The following GNA12 variants were observed in gnomAD, a reference collection of about 807,000 sequenced individuals.
The protein encoded by GNA12 is G protein subunit alpha 12, also known as guanine nucleotide-binding protein subunit alpha-12.
A neutral mutation model predicts 26.0 loss-of-function variants in GNA12; 9 were observed. That is an observed-to-expected ratio of 0.35 (90% CI 0.21 to 0.60). GNA12 has a LOEUF of 0.60. GNA12 is among the 20% of genes least tolerant of loss of function. The probability of loss-of-function intolerance (pLI) is 0.78; values close to 1 mark genes in which losing one functional copy is unlikely to be tolerated. For synonymous variants in GNA12, 264 were observed against 219.6 expected, an observed-to-expected ratio of 1.20 and a Z score of -1.79; for missense variants, 405 against 525.8, an observed-to-expected ratio of 0.77 and a Z score of 2.25.
chr7:2,801,001 CG>C (rs1015607799), intron 1 of GNA12, among the ~76,000 whole-genome samples: 6 of 152,170 alleles, frequency 3.9e-5, no homozygotes, highest in Admixed American at 3.9e-4. Context: ...TATCTCGGCA[CG>C]GAGAAGGTAG....
intron 1 of GNA12, among the ~76,000 whole-genome samples, chr7:2,824,450 G>T (rs1331835338): frequency 6.6e-6 from 1 of 152,076 alleles, no homozygotes; most frequent in African/African-American, 2.4e-5. Flanking sequence ...CTCTGCAGGC[G>T]GCTCCCTGCC....
At chr7:2,789,767 C>T (rs753182947) in intron 2 of GNA12, among the ~76,000 whole-genome samples, 1 of 152,172 alleles carries the variant, frequency 6.6e-6, no homozygotes. Flanking sequence ...CCCCTCCTTG[C>T]TCCTGGTGGT....
At position 2,780,048 on chromosome 7, in the gene GNA12, G is replaced by GTGTGTATATATATA. The variant is rs748113158; in HGVS notation, c.525+14879_525+14880insTATATATATACACA. 5.4e-4 allele frequency among the ~76,000 whole-genome samples: 46 copies of GTGTGTATATATATA among 84,722 alleles called. 1 individual carries two copies. The highest frequency in any genetic ancestry group is 6.0e-4 in the Non-Finnish European group (27 of 44,656). 55.6% of individuals were successfully genotyped at this position (84,722 alleles called of 152,430 possible). ...GTACTAGTTTTTTACACATTTCTGT[G>GTGTGTATATATATA]TACATATATATATATATATATATAT... On this transcript the variant is annotated intron_variant, in intron 2 of 3. Transcript: ENST00000275364.
At chr7:2,798,037 ATAAT>A (rs1382427088) in intron 1 of GNA12, among the ~76,000 whole-genome samples, 1 of 152,220 alleles carries the variant, frequency 6.6e-6, no homozygotes, top group Non-Finnish European at 1.5e-5. Flanking sequence ...AGCTAACCTC[ATAAT>A]TAATGTGAAA....
intron 1 of GNA12, among the ~76,000 whole-genome samples, chr7:2,817,209 G>A (rs1425103223): frequency 2.0e-5 from 3 of 152,214 alleles, no homozygotes; most frequent in Non-Finnish European, 2.9e-5. Context: ...GGGTTCAAGC[G>A]ATTCTCCTGT....
rs1264835312 is a variant in GNA12 at position 2,730,193 on chromosome 7, T to C, written c.*988A>G. 6.6e-6 allele frequency: 1 copy of C among 152,414 alleles called. No individual in the cohort carries two copies. Among genetic ancestry groups the C allele is most frequent in the Non-Finnish European group, 1.5e-5 (1 of 68,060 alleles). The allele number at this position is 152,414 out of a possible 1,614,324, so 9.4% of individuals were successfully genotyped here. A position where few individuals can be genotyped will look rare whatever the true frequency, so the allele number is the denominator to read the frequency against. Reference sequence around the variant, plus strand: ...TCTGCTAGTGGCCTTGCCAGCTTTCTGAAGCCCCAGAAGAGGAATGTTTCT... The same window carrying C: ...TCTGCTAGTGGCCTTGCCAGCTTTCCGAAGCCCCAGAAGAGGAATGTTTCT... On this transcript the variant is annotated 3_prime_UTR_variant, in exon 4 of 4. Coordinates refer to ENST00000275364, the MANE Select transcript of GNA12 (RefSeq NM_007353.3).
rs1789795974 is a variant in GNA12, at chr7:2,729,777, A to G, written c.*1404T>C. The G allele has an allele frequency of 6.6e-6, 1 of 152,410 alleles. No individual in the cohort carries two copies. Among genetic ancestry groups the G allele is most frequent in the South Asian group, 2.1e-4 (1 of 4,830 alleles). 9.4% of individuals were successfully genotyped at this position (152,410 alleles called of 1,614,324 possible). A position where few individuals can be genotyped will look rare whatever the true frequency, so the allele number is the denominator to read the frequency against. ...TCTTGTAAATGCTAGGACACATCCC[A>G]AAACACACTAGGCAGGATTTCTCAG... On this transcript the variant is annotated 3_prime_UTR_variant, in exon 4 of 4. Transcript: ENST00000275364.
intron 3 of GNA12, 36 bp downstream of exon 3, chr7:2,733,415 G>A (rs759733306): frequency 2.5e-6 from 4 of 1,596,608 alleles, no homozygotes; most frequent in South Asian, 2.2e-5. Context: ...TTCTAACCCT[G>A]GAGCCCAGCT....
intron 1 of GNA12, chr7:2,815,151 A>C: frequency 1.6e-6 from 1 of 633,164 alleles, no homozygotes; most frequent in Non-Finnish European, 2.6e-6. Context: ...AGCAATACAA[A>C]AAGCAAGTGG....
At chr7:2,817,704 T>C (rs902311449) in intron 1 of GNA12, among the ~76,000 whole-genome samples, 1 of 152,234 alleles carries the variant, frequency 6.6e-6, no homozygotes, top group African/African-American at 2.4e-5. Context: ...AATGAATGAA[T>C]GCAGCTGATC....
At chr7:2,768,708 T>G (rs1791875018) in intron 2 of GNA12, among the ~76,000 whole-genome samples, 1 of 145,898 alleles carries the variant, frequency 6.9e-6, no homozygotes, top group African/African-American at 2.6e-5. Context: ...ACAGTAAACC[T>G]ATGGATAAAG....
intron 2 of GNA12, among the ~76,000 whole-genome samples, chr7:2,756,378 T>C (rs1791295318): frequency 6.6e-6 from 1 of 152,198 alleles, no homozygotes; most frequent in African/African-American, 2.4e-5. Flanking sequence ...GGATGTCAGG[T>C]ATGGTGGCTC....
In GNA12 at chr7:2,816,016, G is replaced by A. The variant is rs191282754; in HGVS notation, c.310-20873C>T. Among the ~76,000 whole-genome samples, 652 of 152,350 alleles carry A rather than the reference G, an allele frequency of 4.3e-3. 6 individuals carry two copies. Among genetic ancestry groups the A allele is most frequent in the African/African-American group, 0.015 (618 of 41,580 alleles). ...CGTGGAACTGACCCAGCAACTCTGC[G>A]TCTAAGTACACATCCCGGAGAGACC... On this transcript the variant is annotated intron_variant, in intron 1 of 3. Coordinates refer to ENST00000275364, the MANE Select transcript of GNA12 (RefSeq NM_007353.3).
chr7:2,832,299 C>G (rs530547340), intron 1 of GNA12, among the ~76,000 whole-genome samples: 31 of 152,304 alleles, frequency 2.0e-4, no homozygotes, highest in Middle Eastern at 6.8e-3. Context: ...CTCCACGAGG[C>G]CAGGACTGTG....
chr7:2,774,609 G>T lies in GNA12; in HGVS notation c.525+20319C>A, dbSNP rs561966685. 5.9e-5 allele frequency among the ~76,000 whole-genome samples: 9 copies of T among 152,278 alleles called. No homozygotes were observed. The East Asian group carries it at 1.5e-3, about 26-fold the overall frequency. The stretch of plus-strand genomic sequence containing the variant: ...GGGGGGTCCAGGTTGCTAATGTGTC[G>T]AATGCTTTAATGATATAAGGGTCAA... On this transcript the variant is annotated intron_variant, in intron 2 of 3. Coordinates refer to ENST00000275364, the MANE Select transcript of GNA12 (RefSeq NM_007353.3).
At chr7:2,770,665 AAAC>A (rs1174084610) in intron 2 of GNA12, among the ~76,000 whole-genome samples, 1 of 152,000 alleles carries the variant, frequency 6.6e-6, no homozygotes, top group African/African-American at 2.4e-5. Context: ...AAACAAAACA[AAAC>A]AACACACAGA....
intron 2 of GNA12, among the ~76,000 whole-genome samples, chr7:2,741,076 TCAAA>T (rs1309165138): frequency 2.0e-5 from 3 of 149,624 alleles, no homozygotes; most frequent in Admixed American, 6.6e-5. Flanking sequence ...AAACAAATAA[TCAAA>T]CAAAAAACCA....
At chr7:2,797,091 A>G (rs1234987045) in intron 1 of GNA12, among the ~76,000 whole-genome samples, 1 of 152,218 alleles carries the variant, frequency 6.6e-6, no homozygotes, top group Non-Finnish European at 1.5e-5. Context: ...AGCTGAGAGC[A>G]GCATCCCATC....
intron 1 of GNA12, among the ~76,000 whole-genome samples, chr7:2,820,587 G>A (rs561518596): frequency 9.9e-5 from 15 of 152,038 alleles, no homozygotes; most frequent in African/African-American, 2.2e-4. Context: ...AGTCCCAAGC[G>A]CTGTAAAGCA....
Sources: allele counts gnomAD v4.1 joint callset (sites outside exome capture counted in the v4.1 genomes callset), GRCh38; gene constraint gnomAD v4.1.1; transcripts MANE v1.5; gene names NCBI Gene and HGNC (gene_info 2026-07-23, HGNC 2026-07-21).